The following COLGALT2 variants were observed in gnomAD, a reference collection of about 807,000 sequenced individuals.
COLGALT2 encodes procollagen galactosyltransferase 2.
A neutral mutation model predicts 73.4 loss-of-function variants in COLGALT2; 49 were observed. That is an observed-to-expected ratio of 0.67 (90% confidence interval 0.53 to 0.85). The LOEUF is 0.85. COLGALT2 is among the 40% of genes least tolerant of loss of function. The pLI is 0.00. For synonymous variants in COLGALT2, 295 were observed against 307.6 expected (o/e 0.96, Z 0.43); for missense variants, 722 against 790.2 (o/e 0.91, Z 1.03).
chr1:183,940,433 T>C, intron 11 of COLGALT2, 148 bp downstream of exon 11: 1 of 750,154 alleles, frequency 1.3e-6, no homozygotes, highest in Non-Finnish European at 2.3e-6. Flanking sequence ...ATAAATCACC[T>C]GAGTTAGGCT....
chr1:183,983,690 A>T (rs1671414082), intron 1 of COLGALT2, among the ~76,000 whole-genome samples: 1 of 152,224 alleles, frequency 6.6e-6, no homozygotes, highest in Admixed American at 6.5e-5. Context: ...CCATGAAGCT[A>T]GGAAGCTGAG....
intron 8 of COLGALT2, chr1:183,945,772 G>T: frequency 1.7e-6 from 1 of 591,054 alleles, no homozygotes; most frequent in Non-Finnish European, 2.9e-6. Context: ...TCATATTTTT[G>T]TGTATCCCTC....
chr1:183,931,734 C>T (rs1669846893), downstream of COLGALT2, among the ~76,000 whole-genome samples: 3 of 150,610 alleles, frequency 2.0e-5, no homozygotes, highest in South Asian at 6.3e-4. Context: ...ACCAAAGCAT[C>T]ATTATGTGCT....
intron 5 of COLGALT2, among the ~76,000 whole-genome samples, chr1:183,965,847 G>T (rs1476421621): frequency 1.3e-5 from 2 of 152,170 alleles, no homozygotes; most frequent in East Asian, 3.8e-4. Flanking sequence ...AGTTAGGCTT[G>T]CATGATTACA....
intron 5 of COLGALT2, among the ~76,000 whole-genome samples, chr1:183,966,854 G>A (rs1670889531): frequency 1.3e-5 from 2 of 152,158 alleles, no homozygotes; most frequent in African/African-American, 4.8e-5. Flanking sequence ...CTGCTCACCA[G>A]CACACTTGGA....
chr1:183,934,455 C>T (rs957268718), downstream of COLGALT2, among the ~76,000 whole-genome samples: 2 of 152,144 alleles, frequency 1.3e-5, no homozygotes, highest in Admixed American at 6.5e-5. Flanking sequence ...ACAGCCGGTT[C>T]CCCTGAAATA....
chr1:184,011,724 G>A (rs959908338), intron 1 of COLGALT2, among the ~76,000 whole-genome samples: 1 of 152,144 alleles, frequency 6.6e-6, no homozygotes, highest in South Asian at 2.1e-4. Context: ...CAGCTCTCTC[G>A]GCTGCCTACT....
intron 8 of COLGALT2, among the ~76,000 whole-genome samples, chr1:183,948,493 C>T (rs1018836660): frequency 8.5e-5 from 13 of 152,106 alleles, no homozygotes; most frequent in African/African-American, 2.4e-4. Flanking sequence ...TTAATAGACA[C>T]GGACAAACCA....
intron 1 of COLGALT2, among the ~76,000 whole-genome samples, chr1:184,008,434 A>G (rs889286765): frequency 3.3e-5 from 5 of 152,188 alleles, no homozygotes; most frequent in African/African-American, 1.2e-4. Context: ...TTGTAGATGA[A>G]AGTATTGTAT....
At chr1:184,018,801 C>CCAGACAG (rs1379645931) in intron 1 of COLGALT2, among the ~76,000 whole-genome samples, 1 of 152,126 alleles carries the variant, frequency 6.6e-6, no homozygotes, top group Non-Finnish European at 1.5e-5. Context: ...GCAAGATTCT[C>CCAGACAG]CAGACAGCAG....
At chr1:184,016,716 ATAAAG>A (rs1649012143) in intron 1 of COLGALT2, among the ~76,000 whole-genome samples, 1 of 152,200 alleles carries the variant, frequency 6.6e-6, no homozygotes, top group Non-Finnish European at 1.5e-5. Context: ...ATAAAAATAT[ATAAAG>A]TAACTATTTG....
At chr1:183,949,025 A>G (rs1670322365) in intron 8 of COLGALT2, among the ~76,000 whole-genome samples, 1 of 152,222 alleles carries the variant, frequency 6.6e-6, no homozygotes, top group Non-Finnish European at 1.5e-5. Flanking sequence ...ATATTTAACA[A>G]AATAAATGCA....
chr1:183,938,947 C>G lies in COLGALT2; in HGVS notation c.1695G>C (p.Gln565His). ...TCTCCGTGTCACTCAGGTACCCCGGCTGGCCTGTGTAGTGCGTAGGGTAGA... is the reference window on the plus strand; with the variant it reads ...TCTCCGTGTCACTCAGGTACCCCGGGTGGCCTGTGTAGTGCGTAGGGTAGA... Reference protein sequence around the residue: ...LLIYPTHYTGQPGYLSDTETS... With the variant: ...LLIYPTHYTGHPGYLSDTETS... The change falls in exon 12 of 12, where the codon CAG (glutamine) becomes CAC (histidine). Residue 565 changes from glutamine to histidine, a missense_variant. Transcript: ENST00000361927. 1.9e-6 allele frequency: 3 copies of G among 1,614,146 alleles called. No individual in the cohort carries two copies. The highest frequency in any genetic ancestry group is 2.5e-6 in the Non-Finnish European group (3 of 1,180,038).
downstream of COLGALT2, among the ~76,000 whole-genome samples, chr1:183,931,098 T>C (rs1055371537): frequency 3.9e-5 from 6 of 152,208 alleles, no homozygotes; most frequent in South Asian, 2.1e-4. Flanking sequence ...ATTATAGATA[T>C]GAGGCTGAGA....
Position 183,975,015 on chromosome 1 carries a change from C to T in COLGALT2, c.492+82G>A, listed in dbSNP as rs7527657. 3,063 of 959,964 alleles carry T rather than the reference C, an allele frequency of 3.2e-3. 62 individuals are homozygous for T. In the African/African-American group the frequency reaches 0.042, roughly 13 times the overall value. The allele number at this position is 959,964 out of a possible 1,614,324, so 59.5% of individuals were successfully genotyped here. On this transcript the variant is annotated intron_variant, in intron 3 of 11. Coordinates refer to ENST00000361927, the MANE Select transcript of COLGALT2 (RefSeq NM_015101.4). The stretch of plus-strand genomic sequence containing the variant: ...CTAATCAAAAAGGTTGTTTTGATTG[C>T]TTCCATGGTTCTAGTTTTTGGACGA...
chr1:183,937,865 T>C lies in COLGALT2; in HGVS notation c.*896A>G. 1 of 985,438 alleles carries C rather than the reference T, an allele frequency of 1.0e-6. No homozygotes were observed. The highest frequency in any genetic ancestry group is 1.2e-6 in the Non-Finnish European group (1 of 829,922). 61.0% of individuals were successfully genotyped at this position (985,438 alleles called of 1,614,324 possible). ...TGACTCACAGAACTCACACCTGCGG[T>C]GGGTTCCCAGGCTAAGGGGTGGAGC... On this transcript the variant is annotated 3_prime_UTR_variant, in exon 12 of 12. Transcript: ENST00000361927.
intron 1 of COLGALT2, among the ~76,000 whole-genome samples, chr1:183,986,706 T>C (rs946772363): frequency 6.6e-6 from 1 of 152,218 alleles, no homozygotes; most frequent in Non-Finnish European, 1.5e-5. Flanking sequence ...GTTAAGAACT[T>C]CTCAACATTA....
rs1486816097 is a variant in COLGALT2 at position 183,944,311 on chromosome 1, C to G, written c.1282G>C (p.Glu428Gln). 6.2e-7 allele frequency: 1 copy of G among 1,612,648 alleles called. No individual in the cohort carries two copies. The highest frequency in any genetic ancestry group is 1.7e-5 in the Admixed American group (1 of 59,656). Residue 428 changes from glutamate to glutamine, a missense_variant, in exon 10 of 12, where the codon GAG becomes CAG. By Grantham distance (29) the Glu-to-Gln change is conservative. Transcript: ENST00000361927. ...YSVWKEVIDR[E>Q]LEKTLVIEDD... ...TCAATTACAAGAGTCTTCTCTAGCT[C>G]TCGATCAATTACCTGCAAAAGTCAT... is the stretch of plus-strand genomic sequence containing the variant.
At chr1:183,959,993 G>T (rs1429186295) in intron 6 of COLGALT2, among the ~76,000 whole-genome samples, 1 of 152,046 alleles carries the variant, frequency 6.6e-6, no homozygotes, top group Non-Finnish European at 1.5e-5. Context: ...CAGATATATT[G>T]TCTATTGTCT....
Sources: gnomAD v4.1 joint callset for allele counts (sites outside exome capture counted in the v4.1 genomes callset) on GRCh38, gnomAD v4.1.1 for gene constraint, MANE v1.5 for transcripts, NCBI Gene and HGNC (gene_info 2026-07-23, HGNC 2026-07-21) for gene names.